Variants in FAM163A observed in about 807,000 individuals in gnomAD.
FAM163A encodes the protein family with sequence similarity 163 member A, also known as protein FAM163A.
A neutral mutation model predicts 12.0 loss-of-function variants in FAM163A; 7 were observed. The ratio of observed to expected loss-of-function variants is 0.58; its 90% CI spans 0.33 to 1.10. The LOEUF is 1.10. Ranked by LOEUF, FAM163A falls within the 50% of genes least tolerant of loss-of-function variation. The probability of loss-of-function intolerance (pLI) is 0.03; values close to 1 mark genes in which losing one functional copy is unlikely to be tolerated. For missense variants in FAM163A, 202 were observed against 218.6 expected (o/e 0.92, Z 0.48); for synonymous variants, 101 against 91.0 (o/e 1.11, Z -0.62).
intron 3 of FAM163A, 100 bp from the exon 4 acceptor site, chr1:179,812,976 C>G (rs1003666579): frequency 9.9e-6 from 11 of 1,115,456 alleles, no homozygotes; most frequent in Admixed American, 4.2e-5. Context: ...TGCTCTCAGG[C>G]CCCCTGCCCC....
At chr1:179,732,424 A>G in the FAM163A span, among the ~76,000 whole-genome samples, 1 of 152,310 alleles carries the variant, frequency 6.6e-6, no homozygotes, top group South Asian at 2.1e-4. Context: ...ACAGAACCAC[A>G]CATGTTTTTT....
chr1:179,751,847 A>G (rs948312796), intron 1 of FAM163A, among the ~76,000 whole-genome samples: 2 of 152,232 alleles, frequency 1.3e-5, no homozygotes, highest in East Asian at 3.8e-4. Context: ...GTGTTCATAG[A>G]TTGGAAGATT....
chr1:179,764,138 T>C (rs557555902), intron 1 of FAM163A, among the ~76,000 whole-genome samples: 11 of 152,310 alleles, frequency 7.2e-5, no homozygotes, highest in South Asian at 2.1e-4. Context: ...CAGAACTGGC[T>C]GGCAGCACTG....
intron 1 of FAM163A, among the ~76,000 whole-genome samples, chr1:179,799,470 C>T (rs896968098): frequency 3.3e-5 from 5 of 151,778 alleles, no homozygotes; most frequent in Non-Finnish European, 2.9e-5. Context: ...CGGCACGTTC[C>T]GTGCATAGCA....
chr1:179,797,673 A>G (rs1692530198), intron 1 of FAM163A, among the ~76,000 whole-genome samples: 1 of 152,136 alleles, frequency 6.6e-6, no homozygotes, highest in Non-Finnish European at 1.5e-5. Flanking sequence ...TTAAAATGTC[A>G]TGTTTTACAT....
chr1:179,809,642 C>T (rs549761153), intron 2 of FAM163A, among the ~76,000 whole-genome samples: 68 of 152,242 alleles, frequency 4.5e-4, no homozygotes, highest in African/African-American at 1.6e-3. Flanking sequence ...GGGCACTGTT[C>T]TTATACAGCT....
the FAM163A span, among the ~76,000 whole-genome samples, chr1:179,737,388 T>C: frequency 2.6e-5 from 4 of 152,188 alleles, no homozygotes; most frequent in Non-Finnish European, 5.9e-5. Context: ...TCAATGGCTA[T>C]ACAGTTTCAG....
At chr1:179,767,854 A>T (rs1687720947) in intron 1 of FAM163A, among the ~76,000 whole-genome samples, 1 of 152,184 alleles carries the variant, frequency 6.6e-6, no homozygotes, top group South Asian at 2.1e-4. Flanking sequence ...TATTGTGGTT[A>T]AAAAAAGCAC....
intron 1 of FAM163A, among the ~76,000 whole-genome samples, chr1:179,755,859 T>C (rs1685951780): frequency 6.6e-6 from 1 of 152,120 alleles, no homozygotes; most frequent in African/African-American, 2.4e-5. Flanking sequence ...ATGTCTTTGG[T>C]GGGGTCCCTT....
intron 1 of FAM163A, among the ~76,000 whole-genome samples, chr1:179,747,273 C>T (rs1438041663): frequency 6.6e-6 from 1 of 152,114 alleles, no homozygotes; most frequent in African/African-American, 2.4e-5. Context: ...ATCAGTGTGT[C>T]CTACATGCCC....
intron 1 of FAM163A, among the ~76,000 whole-genome samples, chr1:179,789,807 T>C (rs1691187852): frequency 6.6e-6 from 1 of 152,062 alleles, no homozygotes. Flanking sequence ...CTAAAAAAAA[T>C]GGTACAAACT....
chr1:179,727,790 A>T, the FAM163A span, among the ~76,000 whole-genome samples: 2 of 152,208 alleles, frequency 1.3e-5, no homozygotes, highest in East Asian at 3.8e-4. Flanking sequence ...ATAATCTTGA[A>T]CTAACTGTGT....
At chr1:179,809,405 G>C (rs1694401053) in intron 2 of FAM163A, among the ~76,000 whole-genome samples, 1 of 152,216 alleles carries the variant, frequency 6.6e-6, no homozygotes, top group South Asian at 2.1e-4. Flanking sequence ...AGACGTGAGA[G>C]GAATGTGAGA....
chr1:179,779,501 T>A (rs982086258), intron 1 of FAM163A, among the ~76,000 whole-genome samples: 44 of 152,170 alleles, frequency 2.9e-4, no homozygotes, highest in African/African-American at 1.0e-3. Flanking sequence ...CCTGAAAGCC[T>A]TAAAAGTCCC....
the FAM163A span, among the ~76,000 whole-genome samples, chr1:179,731,529 T>G: frequency 6.6e-6 from 1 of 152,348 alleles, no homozygotes; most frequent in Non-Finnish European, 1.5e-5. Flanking sequence ...GCATGAAATA[T>G]GAATCAACAA....
intron 1 of FAM163A, among the ~76,000 whole-genome samples, chr1:179,793,683 A>G (rs1691846664): frequency 6.6e-6 from 1 of 152,216 alleles, no homozygotes; most frequent in South Asian, 2.1e-4. Context: ...CTTTGATAGA[A>G]CTGGGTGCTT....
chr1:179,748,164 G>T (rs1390399464), intron 1 of FAM163A, among the ~76,000 whole-genome samples: 1 of 152,144 alleles, frequency 6.6e-6, no homozygotes, highest in Non-Finnish European at 1.5e-5. Context: ...AGACCTGAGA[G>T]CCTCTCTCAT....
intron 1 of FAM163A, among the ~76,000 whole-genome samples, chr1:179,755,934 G>T (rs1312477089): frequency 6.6e-6 from 1 of 152,168 alleles, no homozygotes; most frequent in African/African-American, 2.4e-5. Flanking sequence ...CTGAGGATAG[G>T]CTCTCACTGT....
At chr1:179,798,010 G>T (rs868063686) in intron 1 of FAM163A, among the ~76,000 whole-genome samples, 8 of 152,230 alleles carry the variant, frequency 5.3e-5, no homozygotes, top group South Asian at 2.1e-4. Context: ...CAGGTAGATT[G>T]TCTGAGCTCA....
Sources: gnomAD v4.1 joint callset for allele counts (sites outside exome capture counted in the v4.1 genomes callset) on GRCh38, gnomAD v4.1.1 for gene constraint, MANE v1.5 for transcripts, NCBI Gene and HGNC (gene_info 2026-07-23, HGNC 2026-07-21) for gene names.